The following SCAF4 variants were observed in gnomAD, a reference collection of about 807,000 sequenced individuals.
The protein encoded by SCAF4 is SR-related and CTD-associated factor 4.
SCAF4 carries 25 observed loss-of-function variants against 129.8 expected under a neutral mutation model. That is an observed-to-expected ratio of 0.19 (90% CI 0.14 to 0.27). The LOEUF (loss-of-function observed/expected upper bound fraction) is 0.27, where lower values mean the gene tolerates loss of function less well. Ranked by LOEUF, SCAF4 falls within the 10% of genes least tolerant of loss-of-function variation. SCAF4 has a pLI of 1.00. For synonymous variants in SCAF4, 551 were observed against 497.7 expected (o/e 1.11, Z -1.43); for missense variants, 1,246 against 1,457.1 (o/e 0.86, Z 2.36).
Position 31,693,420 on chromosome 21 carries a change from G to A in SCAF4, c.1387C>T (p.Arg463Ter). The change falls in exon 12 of 20, where the codon CGA (arginine) becomes TGA (stop). Residue 463 changes from arginine to a stop codon, truncating the protein, a stop_gained. Transcript: ENST00000286835. LOFTEE classifies it high-confidence loss of function. Reference protein sequence around the residue: ...RSRRSRHRRSRSRSRDRRRHS... With the variant: ...RSRRSRHRRS ...CGGCGTCTATCCCTGGACCGAGATC[G>A]AGAACGTCGATGCCGAGACCTTCGA... 1 of 1,566,610 alleles carries A rather than the reference G, an allele frequency of 6.4e-7. No homozygotes were observed. Among genetic ancestry groups the A allele is most frequent in the Non-Finnish European group, 8.7e-7 (1 of 1,147,040 alleles).
chr21:31,685,473 G>A lies in SCAF4; in HGVS notation c.2221C>T (p.Pro741Ser), dbSNP rs772496049. The change falls in exon 18 of 20, where the codon CCT becomes TCT. Residue 741 changes from proline (P) to serine (S), a missense_variant. Physicochemically the swap from Pro to Ser is moderately conservative, Grantham distance 74 (BLOSUM62 -1). This residue lies in a region of SCAF4 where 468 missense variants were observed against 605.5 expected (regional missense o/e 0.77). Coordinates refer to ENST00000286835, the MANE Select transcript of SCAF4 (RefSeq NM_020706.2). ...GGAGTTATAGGAGGTGGGGGTCCAG[G>A]AGGCAGAAAACCTAGAATAAGAAAA... is the stretch of plus-strand genomic sequence containing the variant. ...PMHLPPGFLP[P>S]GPPPPITPPV... is the part of the protein sequence containing the mutation. 1.9e-6 allele frequency: 3 copies of A among 1,613,550 alleles called. No individual in the cohort carries two copies. Among genetic ancestry groups the A allele is most frequent in the South Asian group, 2.2e-5 (2 of 91,026 alleles).
At chr21:31,708,874 C>T (rs1236366012) in intron 1 of SCAF4, among the ~76,000 whole-genome samples, 1 of 152,092 alleles carries the variant, frequency 6.6e-6, no homozygotes, top group Non-Finnish European at 1.5e-5. Context: ...GGCCTTTCCA[C>T]GTAGAAAGTC....
rs2050591470 is a variant in SCAF4, at chr21:31,703,904, G to A, written c.182C>T (p.Pro61Leu). The change falls in exon 4 of 20, where the codon CCG (proline) becomes CTG (leucine). Residue 61 changes from proline to leucine, a missense_variant. Physicochemically the swap from Pro to Leu is moderately conservative, Grantham distance 98 (BLOSUM62 -3). Transcript: ENST00000286835. ...AATTGAGTCAATTACATATAATCCC[G>A]GAACCTTGTATTCTGGTTTACACTG... ...IKKCKPEYKV[P>L]GLYVIDSIVR... The A allele has an allele frequency of 1.9e-6, 3 of 1,579,350 alleles. No individual in the cohort carries two copies. Among genetic ancestry groups the A allele is most frequent in the Non-Finnish European group, 1.7e-6 (2 of 1,155,764 alleles).
intron 1 of SCAF4, among the ~76,000 whole-genome samples, chr21:31,718,334 T>A (rs1180927944): frequency 6.6e-6 from 1 of 152,196 alleles, no homozygotes; most frequent in African/African-American, 2.4e-5. Context: ...CACTTGCTTG[T>A]CACAGACTCA....
intron 7 of SCAF4, among the ~76,000 whole-genome samples, 198 bp from the exon 8 acceptor site, chr21:31,696,948 C>T (rs1325579042): frequency 6.6e-6 from 1 of 152,122 alleles, no homozygotes; most frequent in Non-Finnish European, 1.5e-5. Flanking sequence ...GGAAAACACA[C>T]AGTGTTTTCA....
rs113050706 is a variant in SCAF4, at chr21:31,680,915, C to T, written c.2488+4134G>A. Among the ~76,000 whole-genome samples the T allele has an allele frequency of 9.0e-3, 1,373 of 152,280 alleles. 25 individuals are homozygous for T. The highest frequency in any genetic ancestry group is 0.031 in the African/African-American group (1,293 of 41,544). ...TTTTAGGCAGTTTCAGGGATCATAA[C>T]GATAGCATAAAAACATTTGCGCTTG... On this transcript the variant is annotated intron_variant, in intron 19 of 19. Coordinates refer to ENST00000286835, the MANE Select transcript of SCAF4 (RefSeq NM_020706.2).
At chr21:31,727,695 G>A (rs2051241023) in intron 1 of SCAF4, among the ~76,000 whole-genome samples, 1 of 152,006 alleles carries the variant, frequency 6.6e-6, no homozygotes, top group African/African-American at 2.4e-5. Flanking sequence ...GGGAGGAGAG[G>A]CAGGAGAATC....
rs1243270453 is a variant in SCAF4, at chr21:31,679,886, G to A, written c.2488+5163C>T. On this transcript the variant is annotated intron_variant, in intron 19 of 19. Transcript: ENST00000286835. The stretch of plus-strand genomic sequence containing the variant: ...AGTTAGCATAATAATAATTACTTAA[G>A]TATGTTACTATAATTGACAAAGTGC... 3.9e-5 allele frequency among the ~76,000 whole-genome samples: 6 copies of A among 152,252 alleles called. No individual in the cohort carries two copies. In the East Asian group the frequency reaches 9.6e-4, roughly 24 times the overall value.
In SCAF4 at chr21:31,685,611, T is replaced by C. The variant is rs574147232; in HGVS notation, c.2166A>G (p.Pro722=). The change falls in exon 17 of 20, where the codon CCA becomes CCG. Residue 722 remains proline, a synonymous_variant. Transcript: ENST00000286835. ...GPGVPPPPPP[P]PFLRPGFNPM... ...GGTTGAATCCTGGGCGCAAAAATGG[T>C]GGAGGAGGAGGGGGAGGAGGAACAC... The C allele has an allele frequency of 1.0e-4, 163 of 1,613,724 alleles. 1 individual carries two copies. Among genetic ancestry groups the C allele is most frequent in the Non-Finnish European group, 1.3e-4 (154 of 1,179,932 alleles).
intron 19 of SCAF4, among the ~76,000 whole-genome samples, chr21:31,677,735 A>C (rs944916916): frequency 3.9e-5 from 6 of 152,152 alleles, no homozygotes; most frequent in Admixed American, 1.3e-4. Context: ...CCTTCTCAGC[A>C]TCCTTTGCTG....
Position 31,731,840 on chromosome 21 carries a change from G to A in SCAF4, c.-148C>T, listed in dbSNP as rs962244532. The stretch of plus-strand genomic sequence containing the variant: ...CGAGGCCCGGGCAGGAAGAGGCTGC[G>A]CCCGAAGCGGCGAGGCGGGCGGCCG... On this transcript the variant is annotated 5_prime_UTR_variant, in exon 1 of 20. Coordinates refer to ENST00000286835, the MANE Select transcript of SCAF4 (RefSeq NM_020706.2). The A allele has an allele frequency of 2.6e-5, 23 of 887,314 alleles. No homozygotes were observed. The highest frequency in any genetic ancestry group is 9.3e-5 in the South Asian group (4 of 43,232). The allele number at this position is 887,314 out of a possible 1,614,324, so 55.0% of individuals were successfully genotyped here.
chr21:31,717,398 A>G (rs1473724358), intron 1 of SCAF4, among the ~76,000 whole-genome samples: 4 of 152,160 alleles, frequency 2.6e-5, no homozygotes, highest in Non-Finnish European at 4.4e-5. Context: ...CTAAAATGCT[A>G]ATGGTGTTTG....
intron 19 of SCAF4, among the ~76,000 whole-genome samples, chr21:31,673,970 T>A (rs202449): frequency 0.86 from 130,548 of 152,268 alleles, 56,255 homozygotes; most frequent in East Asian, 0.99. Context: ...CAAATTATAA[T>A]ATAACACCAG....
intron 1 of SCAF4, among the ~76,000 whole-genome samples, chr21:31,727,270 G>T (rs981051103): frequency 3.3e-5 from 5 of 151,922 alleles, no homozygotes; most frequent in African/African-American, 7.3e-5. Flanking sequence ...AGTAGAGACA[G>T]GGTTTCACCA....
chr21:31,690,680 A>T, intron 15 of SCAF4, 117 bp downstream of exon 15: 11 of 807,736 alleles, frequency 1.4e-5, no homozygotes, highest in Non-Finnish European at 4.0e-6. Flanking sequence ...CTGACACAGG[A>T]GGGATCCTAA....
At position 31,672,016 on chromosome 21, in the gene SCAF4, G is replaced by A. The variant is rs756786987; in HGVS notation, c.2827C>T (p.Pro943Ser). ...GGCTGCTGCTGTGGCTGCTGCGGCG[G>A]CTGTTGCCTTCCGTCTCTGTCTTCA... Reference protein sequence around the residue: ...GPEDRDGRQQPPQQPQQQPQP... With the variant: ...GPEDRDGRQQSPQQPQQQPQP... Residue 943 changes from proline to serine, a missense_variant, in exon 20 of 20, where the codon CCG becomes TCG. This residue lies in a region of SCAF4 where 339 missense variants were observed against 325.0 expected (regional missense o/e 1.04). Coordinates refer to ENST00000286835, the MANE Select transcript of SCAF4 (RefSeq NM_020706.2). 7 of 1,612,932 alleles carry A rather than the reference G, an allele frequency of 4.3e-6. No homozygotes were observed. The African/African-American group carries it at 8.0e-5, about 18-fold the overall frequency.
intron 1 of SCAF4, among the ~76,000 whole-genome samples, chr21:31,714,677 T>A (rs565684881): frequency 2.6e-5 from 4 of 152,308 alleles, no homozygotes; most frequent in Admixed American, 2.6e-4. Flanking sequence ...GTAACATGGG[T>A]ACTCTGCTAT....
At chr21:31,704,001 T>C (rs1459743522) in intron 3 of SCAF4, 75 bp from the exon 4 acceptor site, 11 of 961,604 alleles carry the variant, frequency 1.1e-5, no homozygotes, top group Non-Finnish European at 1.5e-5. Context: ...TTCACATTTA[T>C]GAAACTTTTA....
chr21:31,723,227 C>A (rs894689214), intron 1 of SCAF4, among the ~76,000 whole-genome samples: 26 of 152,044 alleles, frequency 1.7e-4, no homozygotes, highest in African/African-American at 6.0e-4. Flanking sequence ...CATTGACAAA[C>A]CTGCCTAAGA....
Sources: allele counts gnomAD v4.1 joint callset (sites outside exome capture counted in the v4.1 genomes callset), GRCh38; gene constraint gnomAD v4.1.1; regional missense constraint gnomAD v4.1.1; transcripts MANE v1.5; gene names NCBI Gene and HGNC (gene_info 2026-07-23, HGNC 2026-07-21).